Variants in KCNQ5 observed in about 807,000 individuals in gnomAD.
KCNQ5 encodes the protein potassium voltage-gated channel subfamily Q member 5.
In KCNQ5, 30 loss-of-function variants were observed where a neutral mutation model predicts 98.2. The observed-to-expected ratio is 0.31, with a 90% CI of 0.23 to 0.41. The LOEUF (loss-of-function observed/expected upper bound fraction) is 0.41. Ranked by LOEUF, KCNQ5 falls within the 10% of genes least tolerant of loss-of-function variation. The pLI is 1.00. For missense variants in KCNQ5, 835 were observed against 1,182.5 expected, an observed-to-expected ratio of 0.71 and a Z score of 4.31; for synonymous variants, 458 against 449.4, an observed-to-expected ratio of 1.02 and a Z score of -0.24.
intron 3 of KCNQ5, among the ~76,000 whole-genome samples, chr6:73,044,180 T>A (rs896554828): frequency 1.3e-5 from 2 of 152,124 alleles, no homozygotes; most frequent in African/African-American, 4.8e-5. Context: ...CTCAGAAGGC[T>A]GAGACTGGAG....
chr6:72,706,061 G>T (rs1200577001), intron 1 of KCNQ5, among the ~76,000 whole-genome samples: 1 of 151,968 alleles, frequency 6.6e-6, no homozygotes, highest in East Asian at 1.9e-4. Context: ...TTGGAATTTT[G>T]ATTAAATGAG....
At chr6:72,741,440 T>C (rs573407350) in intron 1 of KCNQ5, among the ~76,000 whole-genome samples, 31 of 152,176 alleles carry the variant, frequency 2.0e-4, no homozygotes, top group African/African-American at 7.2e-4. Context: ...CAATGTCTCG[T>C]AGGGCAGTGT....
rs183436956 is a variant in KCNQ5 at position 73,153,604 on chromosome 6, C to G, written c.1469-16142C>G. ...ATTTTCTCTTTGCTATGAAAGCCTC[C>G]CATAGAGCTGAGAGAGTTTTGAAGA... On this transcript the variant is annotated intron_variant, in intron 10 of 13. Transcript: ENST00000370398. Among the ~76,000 whole-genome samples the G allele has an allele frequency of 2.0e-5, 3 of 152,050 alleles. No homozygotes were observed. The East Asian group carries it at 5.8e-4, about 29-fold the overall frequency.
intron 1 of KCNQ5, among the ~76,000 whole-genome samples, chr6:72,864,038 G>A (rs1253301143): frequency 6.6e-6 from 1 of 152,158 alleles, no homozygotes; most frequent in African/African-American, 2.4e-5. Flanking sequence ...CCCGCGGCAA[G>A]TAGCTCAATA....
chr6:72,858,346 G>A (rs973339653), intron 1 of KCNQ5, among the ~76,000 whole-genome samples: 1 of 151,962 alleles, frequency 6.6e-6, no homozygotes, highest in Admixed American at 6.6e-5. Context: ...GCATTTGCAC[G>A]CTGAGATCAG....
At chr6:73,058,910 A>C (rs1182963609) in intron 3 of KCNQ5, among the ~76,000 whole-genome samples, 3 of 152,360 alleles carry the variant, frequency 2.0e-5, no homozygotes, top group African/African-American at 7.2e-5. Flanking sequence ...AAGTCAAAAA[A>C]TAACAGATGC....
At chr6:72,662,537 A>G (rs1766584107) in intron 1 of KCNQ5, among the ~76,000 whole-genome samples, 1 of 152,202 alleles carries the variant, frequency 6.6e-6, no homozygotes, top group African/African-American at 2.4e-5. Context: ...TAAAAATTAA[A>G]TAATATTCAC....
chr6:72,988,005 G>A (rs1353730016), intron 1 of KCNQ5, among the ~76,000 whole-genome samples: 2 of 152,198 alleles, frequency 1.3e-5, no homozygotes, highest in Non-Finnish European at 2.9e-5. Context: ...ACAAGGACAA[G>A]GACAACTATC....
chr6:73,091,765 G>T (rs112906627), intron 5 of KCNQ5, among the ~76,000 whole-genome samples: 14 of 151,886 alleles, frequency 9.2e-5, no homozygotes, highest in African/African-American at 2.9e-4. Context: ...GTTTTTTGTT[G>T]GTTTATTTGT....
intron 1 of KCNQ5, among the ~76,000 whole-genome samples, chr6:72,837,837 A>G (rs1776577221): frequency 1.3e-5 from 2 of 152,190 alleles, no homozygotes; most frequent in African/African-American, 4.8e-5. Flanking sequence ...AACATGTTAT[A>G]GGTTTTTTAC....
intron 1 of KCNQ5, among the ~76,000 whole-genome samples, chr6:72,752,165 C>T (rs986912287): frequency 1.3e-5 from 2 of 152,024 alleles, no homozygotes; most frequent in Non-Finnish European, 2.9e-5. Context: ...GGTGTAAGGG[C>T]GGACAGCATG....
chr6:72,981,738 T>C (rs1344363093), intron 1 of KCNQ5, among the ~76,000 whole-genome samples: 6 of 152,222 alleles, frequency 3.9e-5, no homozygotes, highest in Non-Finnish European at 5.9e-5. Flanking sequence ...CTACTTCTTT[T>C]AATTGTGATG....
intron 1 of KCNQ5, among the ~76,000 whole-genome samples, chr6:72,790,753 G>A (rs1425477736): frequency 1.3e-5 from 2 of 152,030 alleles, no homozygotes; most frequent in African/African-American, 2.4e-5. Flanking sequence ...TTGGATAAAT[G>A]TTTCTATTAG....
chr6:73,078,281 G>T (rs2150392351), intron 5 of KCNQ5, among the ~76,000 whole-genome samples: 1 of 152,094 alleles, frequency 6.6e-6, no homozygotes, highest in Non-Finnish European at 1.5e-5. Flanking sequence ...GTTAAAAAAT[G>T]AATGGAAGCT....
At chr6:73,049,504 T>G (rs987832557) in intron 3 of KCNQ5, among the ~76,000 whole-genome samples, 1 of 152,204 alleles carries the variant, frequency 6.6e-6, no homozygotes, top group African/African-American at 2.4e-5. Flanking sequence ...AGGAATAGCA[T>G]GCTGGCCTCC....
At chr6:72,939,354 G>A (rs1017564612) in intron 1 of KCNQ5, among the ~76,000 whole-genome samples, 1 of 152,202 alleles carries the variant, frequency 6.6e-6, no homozygotes, top group African/African-American at 2.4e-5. Flanking sequence ...TGCAATTCCA[G>A]CCCATGCGTT....
intron 1 of KCNQ5, among the ~76,000 whole-genome samples, chr6:72,692,059 T>C (rs1006968186): frequency 6.6e-6 from 1 of 152,230 alleles, no homozygotes; most frequent in Non-Finnish European, 1.5e-5. Context: ...TTCGACCAAA[T>C]TGCACTTAAT....
intron 1 of KCNQ5, among the ~76,000 whole-genome samples, chr6:72,652,122 T>C (rs1388478343): frequency 6.6e-6 from 1 of 151,318 alleles, no homozygotes; most frequent in African/African-American, 2.4e-5. Flanking sequence ...TATATCTAAA[T>C]AACACCACAT....
intron 5 of KCNQ5, among the ~76,000 whole-genome samples, chr6:73,085,670 C>A (rs1261202510): frequency 6.6e-6 from 1 of 152,150 alleles, no homozygotes; most frequent in African/African-American, 2.4e-5. Flanking sequence ...TTCTATTCTC[C>A]CCCGCAAACC....
Sources: allele counts gnomAD v4.1 joint callset (sites outside exome capture counted in the v4.1 genomes callset), GRCh38; gene constraint gnomAD v4.1.1; transcripts MANE v1.5; gene names NCBI Gene and HGNC (gene_info 2026-07-23, HGNC 2026-07-21).